WASF2: variants seen among roughly 807,000 people sequenced by gnomAD.
The protein encoded by WASF2 is WASP family member 2.
WASF2 carries 14 observed loss-of-function variants against 45.0 expected under a neutral mutation model. The observed-to-expected ratio is 0.31, with a 90% confidence interval of 0.21 to 0.49. The LOEUF (loss-of-function observed/expected upper bound fraction) is 0.49. WASF2 is among the 20% of genes least tolerant of loss of function. The pLI is 0.99. For missense variants in WASF2, 439 were observed against 636.1 expected, an observed-to-expected ratio of 0.69 and a Z score of 3.33; for synonymous variants, 200 against 236.3, an observed-to-expected ratio of 0.85 and a Z score of 1.41.
rs150109848 is a variant in WASF2, at chr1:27,453,304, G to T, written c.-43-24371C>A. 5.4e-3 allele frequency among the ~76,000 whole-genome samples: 816 copies of T among 151,780 alleles called. 4 individuals are homozygous for T. The highest frequency in any genetic ancestry group is 8.6e-3 in the Non-Finnish European group (581 of 67,934). On this transcript the variant is annotated intron_variant, in intron 1 of 8. Transcript: ENST00000618852. ...GTGTATCTATCACCCAGTTTAAGAA[G>T]AATACTGCCGGGAGTGGTGGCTCAC... is the stretch of plus-strand genomic sequence containing the variant.
intron 1 of WASF2, among the ~76,000 whole-genome samples, chr1:27,452,934 G>C (rs1331975091): frequency 6.6e-6 from 1 of 151,610 alleles, no homozygotes; most frequent in Non-Finnish European, 1.5e-5. Flanking sequence ...TGCCAGGCAC[G>C]GTGGCTCACG....
At position 27,409,396 on chromosome 1, in the gene WASF2, G is replaced by A. The variant is rs143936548; in HGVS notation, c.1339+296C>T. Among the ~76,000 whole-genome samples, 704 of 119,506 alleles carry A rather than the reference G, an allele frequency of 5.9e-3. 11 individuals carry two copies. The highest frequency in any genetic ancestry group is 0.018 in the East Asian group (74 of 4,118). The allele number at this position is 119,506 out of a possible 152,430, so 78.4% of individuals were successfully genotyped here. Reference sequence around the variant, plus strand: ...GCCGAGATCGAGCCACTGCACTCCAGCCTGGGCAAAAGAGCCAGACTCTGT... The same window carrying A: ...GCCGAGATCGAGCCACTGCACTCCAACCTGGGCAAAAGAGCCAGACTCTGT... On this transcript the variant is annotated intron_variant, in intron 8 of 8. Coordinates refer to ENST00000618852, the MANE Select transcript of WASF2 (RefSeq NM_006990.5).
At chr1:27,487,344 C>T (rs2017944697) in intron 1 of WASF2, among the ~76,000 whole-genome samples, 1 of 141,480 alleles carries the variant, frequency 7.1e-6, no homozygotes, top group African/African-American at 2.6e-5. Context: ...CGTGATCCAC[C>T]CGCCTCGGCC....
At chr1:27,471,401 C>T (rs1405237690) in intron 1 of WASF2, among the ~76,000 whole-genome samples, 1 of 151,214 alleles carries the variant, frequency 6.6e-6, no homozygotes, top group Non-Finnish European at 1.5e-5. Context: ...ACCTGTGATC[C>T]CAGCACTCTG....
At chr1:27,458,615 TG>T (rs2017504661) in intron 1 of WASF2, among the ~76,000 whole-genome samples, 1 of 149,018 alleles carries the variant, frequency 6.7e-6, no homozygotes. Flanking sequence ...GCCAACATGG[TG>T]AAAAACCGTC....
At chr1:27,441,753 CAAAAAAAAAAAA>C (rs35347075) in intron 1 of WASF2, among the ~76,000 whole-genome samples, 3 of 51,672 alleles carry the variant, frequency 5.8e-5, no homozygotes, top group Non-Finnish European at 9.8e-5. Flanking sequence ...GACTCCGTCT[CAAAAAAAAAAAA>C]AAAAAAAAAA....
intron 1 of WASF2, among the ~76,000 whole-genome samples, chr1:27,471,986 T>C (rs1204733390): frequency 6.6e-6 from 1 of 152,154 alleles, no homozygotes; most frequent in Non-Finnish European, 1.5e-5. Context: ...CTCAATCAAG[T>C]CCTGCCCCCA....
At chr1:27,477,584 G>C (rs2017782942) in intron 1 of WASF2, among the ~76,000 whole-genome samples, 1 of 150,956 alleles carries the variant, frequency 6.6e-6, no homozygotes, top group African/African-American at 2.4e-5. Flanking sequence ...TATTACTTTT[G>C]TAACTTCAAA....
intron 1 of WASF2, among the ~76,000 whole-genome samples, chr1:27,479,553 T>A (rs1212929096): frequency 1.3e-5 from 2 of 152,188 alleles, no homozygotes; most frequent in Non-Finnish European, 2.9e-5. Context: ...CAGAACCAGT[T>A]TACTTTATCT....
At chr1:27,448,444 T>G (rs2017339268) in intron 1 of WASF2, among the ~76,000 whole-genome samples, 2 of 151,762 alleles carry the variant, frequency 1.3e-5, no homozygotes, top group Admixed American at 1.3e-4. Flanking sequence ...ATCAAAGAAA[T>G]AAAAAGTGAT....
At chr1:27,487,389 A>G (rs1056421852) in intron 1 of WASF2, among the ~76,000 whole-genome samples, 23 of 137,820 alleles carry the variant, frequency 1.7e-4, no homozygotes, top group Non-Finnish European at 2.9e-4. Flanking sequence ...GTGAGTCACC[A>G]TGCCCGGCCT....
intron 1 of WASF2, among the ~76,000 whole-genome samples, chr1:27,463,042 A>ACTC (rs935432668): frequency 1.3e-5 from 2 of 151,872 alleles, no homozygotes; most frequent in Admixed American, 6.6e-5. Flanking sequence ...CTGGTCTTGA[A>ACTC]CTCCTGACCT....
chr1:27,408,180 CAGAA>C lies in WASF2; in HGVS notation c.*5_*8del, dbSNP rs1364787862. ...AAAGAAAAAGAAGGTGGGCAGCAGGCAGAAAGAGTTAATCGGACCAGTCGTCCTC... is the reference window on the plus strand; with the variant it reads ...AAAGAAAAAGAAGGTGGGCAGCAGGCAGAGTTAATCGGACCAGTCGTCCTC... On this transcript the variant is annotated 3_prime_UTR_variant, in exon 9 of 9. Transcript: ENST00000618852. 6.2e-7 allele frequency: 1 copy of C among 1,607,572 alleles called. No individual in the cohort carries two copies. Among genetic ancestry groups the C allele is most frequent in the East Asian group, 2.2e-5 (1 of 44,620 alleles).
chr1:27,435,334 C>T (rs896281914), intron 1 of WASF2, among the ~76,000 whole-genome samples: 4 of 151,980 alleles, frequency 2.6e-5, no homozygotes, highest in Non-Finnish European at 4.4e-5. Context: ...ACCTGTAATC[C>T]CAACACTTTG....
chr1:27,451,769 T>C (rs372998070), intron 1 of WASF2, among the ~76,000 whole-genome samples: 16 of 152,364 alleles, frequency 1.1e-4, no homozygotes, highest in African/African-American at 3.8e-4. Context: ...ACTTTCTTCC[T>C]TGAACAATTA....
At chr1:27,431,408 G>A (rs1015347599) in intron 1 of WASF2, among the ~76,000 whole-genome samples, 1 of 152,086 alleles carries the variant, frequency 6.6e-6, no homozygotes, top group Non-Finnish European at 1.5e-5. Flanking sequence ...GGTGGGAGGA[G>A]GTTACATATG....
At chr1:27,408,819 G>A (rs914588327) in intron 8 of WASF2, among the ~76,000 whole-genome samples, 1 of 151,974 alleles carries the variant, frequency 6.6e-6, no homozygotes, top group African/African-American at 2.4e-5. Flanking sequence ...AGATGATGAA[G>A]GGGGAGGGAA....
At chr1:27,439,958 GC>G (rs2017187476) in intron 1 of WASF2, among the ~76,000 whole-genome samples, 1 of 152,128 alleles carries the variant, frequency 6.6e-6, no homozygotes, top group Non-Finnish European at 1.5e-5. Flanking sequence ...CAAGATCCAT[GC>G]CACTGCCCTC....
chr1:27,417,126 A>AAAT (rs2016838142), intron 4 of WASF2, among the ~76,000 whole-genome samples: 2 of 152,234 alleles, frequency 1.3e-5, no homozygotes, highest in South Asian at 4.1e-4. Flanking sequence ...CTGACACTGT[A>AAAT]TGCTAAAAAG....
Sources: allele counts gnomAD v4.1 joint callset (sites outside exome capture counted in the v4.1 genomes callset), GRCh38; gene constraint gnomAD v4.1.1; transcripts MANE v1.5; gene names NCBI Gene and HGNC (gene_info 2026-07-23, HGNC 2026-07-21).